The following MYO1D variants were observed in gnomAD, a reference collection of about 807,000 sequenced individuals.
MYO1D encodes the protein unconventional myosin-Id.
Under a neutral mutation model 122.0 loss-of-function variants are expected in MYO1D, and 83 were observed. The observed-to-expected ratio is 0.68, with a 90% CI of 0.57 to 0.82. The LOEUF is 0.82. Ranked by LOEUF, MYO1D falls within the 40% of genes least tolerant of loss-of-function variation. The pLI is 0.00. For synonymous variants in MYO1D, 464 were observed against 446.9 expected, an observed-to-expected ratio of 1.04 and a Z score of -0.48; for missense variants, 1,157 against 1,269.5, an observed-to-expected ratio of 0.91 and a Z score of 1.35.
At chr17:32,797,015 G>A (rs2090422730) in intron 1 of MYO1D, among the ~76,000 whole-genome samples, 1 of 151,320 alleles carries the variant, frequency 6.6e-6, no homozygotes, top group Non-Finnish European at 1.5e-5. Flanking sequence ...TCTATCACCA[G>A]GCTAGAGTAC....
intron 21 of MYO1D, among the ~76,000 whole-genome samples, chr17:32,588,961 CAAAT>C (rs915503043): frequency 9.7e-6 from 1 of 102,794 alleles, no homozygotes; most frequent in Non-Finnish European, 2.1e-5. Flanking sequence ...AACAAACAAA[CAAAT>C]AAAACAAAAA....
chr17:32,549,003 G>A (rs781206670), intron 21 of MYO1D, among the ~76,000 whole-genome samples: 4 of 152,148 alleles, frequency 2.6e-5, no homozygotes, highest in African/African-American at 4.8e-5. Flanking sequence ...GTGAGCCACC[G>A]CGCCTGGCCG....
Position 32,494,658 on chromosome 17 carries a change from T to A in MYO1D, c.*101A>T. On this transcript the variant is annotated 3_prime_UTR_variant, in exon 22 of 22. Transcript: ENST00000318217. ...GGCGGGGCTCCTCTGGGAGGGGCCC[T>A]CGCAGCAGGTTTCTAGCGGGCATGG... is the stretch of plus-strand genomic sequence containing the variant. The A allele has an allele frequency of 3.7e-6, 5 of 1,369,214 alleles. No individual in the cohort carries two copies. The highest frequency in any genetic ancestry group is 4.8e-6 in the Non-Finnish European group (5 of 1,031,320). The allele number at this position is 1,369,214 out of a possible 1,614,324, so 84.8% of individuals were successfully genotyped here.
chr17:32,821,950 G>A (rs1233428337), intron 1 of MYO1D, among the ~76,000 whole-genome samples: 1 of 152,204 alleles, frequency 6.6e-6, no homozygotes, highest in Non-Finnish European at 1.5e-5. Flanking sequence ...TTCAACCATT[G>A]TGGAAGTCAG....
At chr17:32,507,819 G>A (rs745319458) in intron 21 of MYO1D, among the ~76,000 whole-genome samples, 2 of 151,824 alleles carry the variant, frequency 1.3e-5, no homozygotes, top group Non-Finnish European at 2.9e-5. Context: ...TCCCCACCAC[G>A]TGAGGACTCA....
At chr17:32,668,322 T>G (rs1180854405) in intron 16 of MYO1D, among the ~76,000 whole-genome samples, 1 of 152,212 alleles carries the variant, frequency 6.6e-6, no homozygotes, top group South Asian at 2.1e-4. Flanking sequence ...CTCTGTCTGA[T>G]AGCGAGGTGG....
At chr17:32,835,568 G>T (rs568352961) in intron 1 of MYO1D, among the ~76,000 whole-genome samples, 66 of 152,234 alleles carry the variant, frequency 4.3e-4, no homozygotes, top group African/African-American at 1.5e-3. Context: ...CCTGGCATAG[G>T]TTCTACCTAC....
intron 1 of MYO1D, among the ~76,000 whole-genome samples, chr17:32,828,527 AAAAAAAAAAAAAG>A (rs2090743991): frequency 6.6e-6 from 1 of 150,692 alleles, no homozygotes; most frequent in South Asian, 2.1e-4. Context: ...AAAAAAAAAA[AAAAAAAAAAAAAG>A]AAAGAAGACA....
chr17:32,817,599 A>G (rs1158174907), intron 1 of MYO1D, among the ~76,000 whole-genome samples: 1 of 152,086 alleles, frequency 6.6e-6, no homozygotes, highest in Non-Finnish European at 1.5e-5. Context: ...TCAAAAACTC[A>G]AAATTAACCA....
intron 16 of MYO1D, among the ~76,000 whole-genome samples, chr17:32,701,309 G>A (rs2089245655): frequency 6.6e-6 from 1 of 152,106 alleles, no homozygotes; most frequent in East Asian, 1.9e-4. Context: ...CCTTCCAGAT[G>A]GCTTCACAAG....
At chr17:32,666,429 T>C (rs538948549) in intron 16 of MYO1D, among the ~76,000 whole-genome samples, 65 of 152,242 alleles carry the variant, frequency 4.3e-4, no homozygotes, top group Non-Finnish European at 8.7e-4. Context: ...CCTTTTCTGC[T>C]CTTTTCGAGA....
chr17:32,772,641 GGTGCGTGCGTGC>G (rs1024629065), intron 5 of MYO1D, 136 bp downstream of exon 5: 4 of 660,208 alleles, frequency 6.1e-6, no homozygotes, highest in African/African-American at 5.4e-5. Flanking sequence ...CAGGGCATGT[GGTGCGTGCGTGC>G]GTGCGTGCAT....
intron 21 of MYO1D, among the ~76,000 whole-genome samples, chr17:32,543,603 A>T (rs146546069): frequency 1.5e-4 from 19 of 127,862 alleles, no homozygotes; most frequent in South Asian, 1.2e-3. Flanking sequence ...AATAAATAAA[A>T]AATAAAAATA....
In MYO1D at chr17:32,528,580, C is replaced by T. The variant is rs528540104; in HGVS notation, c.2865-33665G>A. 7.9e-5 allele frequency among the ~76,000 whole-genome samples: 12 copies of T among 152,144 alleles called. No individual in the cohort carries two copies. The South Asian group carries it at 1.5e-3, about 18-fold the overall frequency. On this transcript the variant is annotated intron_variant, in intron 21 of 21. Transcript: ENST00000318217. Reference sequence around the variant, plus strand: ...CCTGGAACCTGTGAATGTTACCGTACGTGGCAAAAAGGCCTGCAGATGGGA... The same window carrying T: ...CCTGGAACCTGTGAATGTTACCGTATGTGGCAAAAAGGCCTGCAGATGGGA...
intron 19 of MYO1D, among the ~76,000 whole-genome samples, chr17:32,642,411 C>T (rs2088215273): frequency 6.6e-6 from 1 of 152,124 alleles, no homozygotes; most frequent in Admixed American, 6.6e-5. Flanking sequence ...CTTGGCAATG[C>T]AGGCTCTTTT....
intron 8 of MYO1D, among the ~76,000 whole-genome samples, chr17:32,762,282 A>AG (rs1360561847): frequency 6.6e-6 from 1 of 152,142 alleles, no homozygotes; most frequent in Admixed American, 6.5e-5. Flanking sequence ...GGCTGAAGAA[A>AG]GGGGGGCTGG....
intron 21 of MYO1D, among the ~76,000 whole-genome samples, chr17:32,542,937 C>G (rs1022422306): frequency 2.7e-4 from 41 of 152,184 alleles, no homozygotes; most frequent in African/African-American, 9.1e-4. Context: ...TTATAAATTA[C>G]GTATCTGGGC....
rs796657998 is a variant in MYO1D, at chr17:32,742,332, T to G, written c.1613+2879A>C. Reference sequence around the variant, plus strand: ...CCATGGATACTTCGGGACAACTGTATTCCATTCCATGTTACTGTTAGATTT... The same window carrying G: ...CCATGGATACTTCGGGACAACTGTAGTCCATTCCATGTTACTGTTAGATTT... On this transcript the variant is annotated intron_variant, in intron 13 of 21. Coordinates refer to ENST00000318217, the MANE Select transcript of MYO1D (RefSeq NM_015194.3). 6.6e-5 allele frequency among the ~76,000 whole-genome samples: 10 copies of G among 152,338 alleles called. 1 individual carries two copies. The highest frequency in any genetic ancestry group is 1.4e-4 in the African/African-American group (6 of 41,582).
intron 21 of MYO1D, among the ~76,000 whole-genome samples, chr17:32,571,707 C>T (rs186893581): frequency 6.6e-6 from 1 of 152,302 alleles, no homozygotes; most frequent in East Asian, 1.9e-4. Flanking sequence ...CAAACTCTCT[C>T]TCCCCTGTTC....
Sources: allele counts gnomAD v4.1 joint callset (sites outside exome capture counted in the v4.1 genomes callset), GRCh38; gene constraint gnomAD v4.1.1; transcripts MANE v1.5; gene names NCBI Gene and HGNC (gene_info 2026-07-23, HGNC 2026-07-21).